Variants in CD200 observed in about 807,000 individuals in gnomAD.
The protein encoded by CD200 is CD200 molecule.
Under a neutral mutation model 30.9 loss-of-function variants are expected in CD200, and 15 were observed. The observed-to-expected ratio is 0.49, with a 90% confidence interval of 0.32 to 0.75. The LOEUF (loss-of-function observed/expected upper bound fraction) is 0.75. Ranked by LOEUF, CD200 falls within the 30% of genes least tolerant of loss-of-function variation. CD200 has a pLI of 0.03. For synonymous variants in CD200, 134 were observed against 126.2 expected, an observed-to-expected ratio of 1.06 and a Z score of -0.41; for missense variants, 262 against 324.2, an observed-to-expected ratio of 0.81 and a Z score of 1.47.
At chr3:112,333,810 A>G in intron 1 of CD200, 1 of 985,386 alleles carries the variant, frequency 1.0e-6, no homozygotes, top group Non-Finnish European at 1.2e-6. Context: ...CACTTGAGAG[A>G]GCTGAAATGC....
chr3:112,353,347 T>C (rs1258251022), intron 5 of CD200, among the ~76,000 whole-genome samples: 3 of 152,180 alleles, frequency 2.0e-5, no homozygotes, highest in African/African-American at 7.2e-5. Context: ...AAGGCTGCTT[T>C]GGAGAACAAT....
chr3:112,334,729 T>G (rs1299402782), intron 1 of CD200, among the ~76,000 whole-genome samples: 1 of 150,902 alleles, frequency 6.6e-6, no homozygotes, highest in Non-Finnish European at 1.5e-5. Context: ...TATTTTCAGT[T>G]ATTCTGCACA....
intron 5 of CD200, among the ~76,000 whole-genome samples, chr3:112,360,646 T>C (rs371760138): frequency 1.3e-5 from 2 of 152,324 alleles, no homozygotes; most frequent in South Asian, 4.1e-4. Flanking sequence ...GTTAGAAATA[T>C]TGGGCAGGAT....
intron 5 of CD200, among the ~76,000 whole-genome samples, chr3:112,353,378 T>A (rs1186043331): frequency 6.6e-6 from 1 of 152,194 alleles, no homozygotes; most frequent in African/African-American, 2.4e-5. Context: ...GACAATCATG[T>A]AAAATTTATA....
chr3:112,342,421 C>CTT (rs1229257502), intron 2 of CD200, among the ~76,000 whole-genome samples: 1 of 77,804 alleles, frequency 1.3e-5, no homozygotes, highest in Non-Finnish European at 2.6e-5. Context: ...TTCTTTCTTT[C>CTT]TTTCTTTCTT....
chr3:112,337,480 G>A (rs1430287862), intron 1 of CD200, among the ~76,000 whole-genome samples: 1 of 152,056 alleles, frequency 6.6e-6, no homozygotes, highest in Non-Finnish European at 1.5e-5. Flanking sequence ...GGGATACATA[G>A]GAAGGCAATG....
chr3:112,357,383 C>A (rs760912515), intron 5 of CD200, among the ~76,000 whole-genome samples: 1 of 152,068 alleles, frequency 6.6e-6, no homozygotes, highest in Non-Finnish European at 1.5e-5. Context: ...CGCCAACTTC[C>A]GTGAAGTAAA....
At chr3:112,345,778 G>T (rs2081373789) in intron 3 of CD200, among the ~76,000 whole-genome samples, 1 of 152,216 alleles carries the variant, frequency 6.6e-6, no homozygotes, top group African/African-American at 2.4e-5. Flanking sequence ...TTTGCTTGGG[G>T]AGATAGCTCT....
At position 112,349,813 on chromosome 3, in the gene CD200, G is replaced by T; in HGVS notation, c.796G>T (p.Asp266Tyr). 1 of 1,607,220 alleles carries T rather than the reference G, an allele frequency of 6.2e-7. No homozygotes were observed. Among genetic ancestry groups the T allele is most frequent in the South Asian group, 1.1e-5 (1 of 88,990 alleles). Residue 266 changes from aspartate (D) to tyrosine (Y), a missense_variant, in exon 5 of 6, where the codon GAC becomes TAC. Asp to Tyr is a radical substitution (Grantham distance 160). Coordinates refer to ENST00000315711, the MANE Select transcript of CD200 (RefSeq NM_005944.7). The stretch of plus-strand genomic sequence containing the variant: ...GTACTGGAAACGTCACCGGAATCAG[G>T]ACCGAGGTGAGTTGTCACAGGGAGT... Reference protein sequence around the residue: ...LLYWKRHRNQDREP With the variant: ...LLYWKRHRNQYREP
At chr3:112,346,743 C>T (rs1488483121) in intron 3 of CD200, among the ~76,000 whole-genome samples, 5 of 152,092 alleles carry the variant, frequency 3.3e-5, no homozygotes, top group Middle Eastern at 3.2e-3. Flanking sequence ...CTTGTGGGCT[C>T]CAAAGCCAAC....
At chr3:112,355,813 A>T (rs1559791904) in intron 5 of CD200, among the ~76,000 whole-genome samples, 2 of 152,168 alleles carry the variant, frequency 1.3e-5, no homozygotes, top group South Asian at 2.1e-4. Flanking sequence ...CAGAGCTAAA[A>T]ATATATATAT....
At chr3:112,338,751 G>A (rs1237360937) in intron 1 of CD200, among the ~76,000 whole-genome samples, 1 of 140,326 alleles carries the variant, frequency 7.1e-6, no homozygotes, top group Non-Finnish European at 1.5e-5. Context: ...ATAGCAGTTT[G>A]GTAATTCCTC....
chr3:112,333,521 C>T, intron 1 of CD200: 1 of 985,474 alleles, frequency 1.0e-6, no homozygotes. Context: ...TTGATCCGCG[C>T]TGACGAAGCT....
intron 4 of CD200, among the ~76,000 whole-genome samples, chr3:112,349,347 G>A (rs550080099): frequency 8.6e-4 from 131 of 152,266 alleles, no homozygotes; most frequent in African/African-American, 2.9e-3. Context: ...GTATGGCAAA[G>A]AATATGTGCT....
At position 112,335,801 on chromosome 3, in the gene CD200, A is replaced by G. The variant is rs2081101972; in HGVS notation, c.12+2577A>G. 22 of 712,336 alleles carry G rather than the reference A, an allele frequency of 3.1e-5. No individual in the cohort carries two copies. In the South Asian group the frequency reaches 3.3e-4, roughly 11 times the overall value. 44.1% of individuals were successfully genotyped at this position (712,336 alleles called of 1,614,324 possible). A position where few individuals can be genotyped will look rare whatever the true frequency, so the allele number is the denominator to read the frequency against. The stretch of plus-strand genomic sequence containing the variant: ...GCCCTTTTCCAGCAGGCCAGTCTCT[A>G]ACATGATCTTGGGTCTTCACCCAGA... On this transcript the variant is annotated intron_variant, in intron 1 of 5. Coordinates refer to ENST00000315711, the MANE Select transcript of CD200 (RefSeq NM_005944.7).
At chr3:112,343,938 T>G (rs185321103) in intron 2 of CD200, among the ~76,000 whole-genome samples, 1 of 152,334 alleles carries the variant, frequency 6.6e-6, no homozygotes, top group Admixed American at 6.5e-5. Flanking sequence ...CCTTAATCCC[T>G]TCCATATCAT....
intron 5 of CD200, among the ~76,000 whole-genome samples, chr3:112,356,856 T>A (rs927405401): frequency 6.6e-6 from 1 of 152,250 alleles, no homozygotes; most frequent in Non-Finnish European, 1.5e-5. Flanking sequence ...ACAAGCCATT[T>A]AACTTCCCTG....
At chr3:112,358,530 A>T (rs1553720980) in intron 5 of CD200, among the ~76,000 whole-genome samples, 4 of 152,048 alleles carry the variant, frequency 2.6e-5, no homozygotes, top group Non-Finnish European at 5.9e-5. Context: ...TTGCTTAGAC[A>T]TTTTTTTTGT....
chr3:112,333,115 T>A, upstream of CD200: 1 of 1,516,458 alleles, frequency 6.6e-7, no homozygotes, highest in Non-Finnish European at 8.9e-7. Context: ...AGGCGGGAGG[T>A]GCGGCAGGGG....
Sources: gnomAD v4.1 joint callset for allele counts (sites outside exome capture counted in the v4.1 genomes callset) on GRCh38, gnomAD v4.1.1 for gene constraint, MANE v1.5 for transcripts, NCBI Gene and HGNC (gene_info 2026-07-23, HGNC 2026-07-21) for gene names.